GRK5: variants seen among roughly 807,000 people sequenced by gnomAD.
The protein encoded by GRK5 is G protein-coupled receptor kinase 5, also known as g protein-coupled receptor kinase GRK5.
Under a neutral mutation model 78.4 loss-of-function variants are expected in GRK5, and 40 were observed. The ratio of observed to expected loss-of-function variants is 0.51; its 90% confidence interval spans 0.40 to 0.66. The LOEUF (loss-of-function observed/expected upper bound fraction) is 0.66. GRK5 is among the 30% of genes least tolerant of loss of function. GRK5 has a pLI of 0.00. For missense variants in GRK5, 598 were observed against 759.9 expected (o/e 0.79, Z 2.50); for synonymous variants, 289 against 296.8 (o/e 0.97, Z 0.27).
chr10:119,243,260 A>G (rs762645565), intron 1 of GRK5, among the ~76,000 whole-genome samples: 1 of 152,164 alleles, frequency 6.6e-6, no homozygotes, highest in African/African-American at 2.4e-5. Context: ...ATACAGCAGG[A>G]TTGTGGCACC....
At chr10:119,356,708 G>A (rs969565312) in intron 2 of GRK5, among the ~76,000 whole-genome samples, 2 of 152,150 alleles carry the variant, frequency 1.3e-5, no homozygotes, top group Admixed American at 6.5e-5. Context: ...CAAGAATAGA[G>A]AAGATGAACA....
At chr10:119,256,990 C>T (rs1337360024) in intron 1 of GRK5, among the ~76,000 whole-genome samples, 6 of 152,206 alleles carry the variant, frequency 3.9e-5, no homozygotes, top group Admixed American at 3.9e-4. Flanking sequence ...CAATATGTGG[C>T]TTTTTGTATC....
chr10:119,382,744 C>G (rs952593904), intron 3 of GRK5, among the ~76,000 whole-genome samples: 1 of 152,148 alleles, frequency 6.6e-6, no homozygotes, highest in Admixed American at 6.5e-5. Context: ...TTTGTTTGAA[C>G]TGGTCTGGCT....
At chr10:119,215,497 A>G (rs1269046941) in intron 1 of GRK5, among the ~76,000 whole-genome samples, 1 of 92,036 alleles carries the variant, frequency 1.1e-5, no homozygotes, top group African/African-American at 4.2e-5. Context: ...AAAATAGGGA[A>G]GGGGGTGCGG....
chr10:119,425,932 C>G lies in GRK5; in HGVS notation c.533+847C>G, dbSNP rs528290724. ...CCGACGAGGCCCCGGCCCTGAGCCC[C>G]CAGCGCAGTGCTCTGCTACCTTCAC... is the stretch of plus-strand genomic sequence containing the variant. On this transcript the variant is annotated intron_variant, in intron 6 of 15. Coordinates refer to ENST00000392870, the MANE Select transcript of GRK5 (RefSeq NM_005308.3). Among the ~76,000 whole-genome samples the G allele has an allele frequency of 4.7e-4, 71 of 152,368 alleles. 1 individual carries two copies. The highest frequency in any genetic ancestry group is 1.6e-3 in the African/African-American group (66 of 41,592).
At position 119,253,344 on chromosome 10, in the gene GRK5, TCTC is replaced by T. The variant is rs2133756237; in HGVS notation, c.52+45378_52+45380del. On this transcript the variant is annotated intron_variant, in intron 1 of 15. Coordinates refer to ENST00000392870, the MANE Select transcript of GRK5 (RefSeq NM_005308.3). The surrounding 1 kb of genome is among the most constrained non-coding windows in gnomAD (Gnocchi z 5.7). Reference sequence around the variant, plus strand: ...GAATTACATCAGGTCACTGATGTCTTCTCCTAACTCAGTGATCTCCACAGCCCC... The same window carrying T: ...GAATTACATCAGGTCACTGATGTCTTCTAACTCAGTGATCTCCACAGCCCC... Among the ~76,000 whole-genome samples, 1 of 152,278 alleles carries T rather than the reference TCTC, an allele frequency of 6.6e-6. No homozygotes were observed. Among genetic ancestry groups the T allele is most frequent in the East Asian group, 1.9e-4 (1 of 5,174 alleles).
At chr10:119,299,680 T>C (rs1470231321) in intron 1 of GRK5, among the ~76,000 whole-genome samples, 3 of 152,102 alleles carry the variant, frequency 2.0e-5, no homozygotes, top group Non-Finnish European at 2.9e-5. Flanking sequence ...AAGAAGGAAG[T>C]GCAGAGAAGG....
Position 119,378,671 on chromosome 10 carries a change from TGCGCCTCC to T in GRK5, c.149-2142_149-2135del, listed in dbSNP as rs1851664602. The stretch of plus-strand genomic sequence containing the variant: ...CGCTCATCTCCGCTTGTGTGCGGGC[TGCGCCTCC>T]GTGGGCTCTCGCTGCGTGGGGGGAA... On this transcript the variant is annotated intron_variant, in intron 2 of 15. Transcript: ENST00000392870. The surrounding 1 kb of genome is among the most constrained non-coding windows in gnomAD (Gnocchi z 4.5). Among the ~76,000 whole-genome samples, 2 of 79,858 alleles carry T rather than the reference TGCGCCTCC, an allele frequency of 2.5e-5. No homozygotes were observed. Among genetic ancestry groups the T allele is most frequent in the South Asian group, 1.3e-3 (2 of 1,524 alleles). The allele number at this position is 79,858 out of a possible 152,430, so 52.4% of individuals were successfully genotyped here. A position where few individuals can be genotyped will look rare whatever the true frequency, so the allele number is the denominator to read the frequency against.
intron 1 of GRK5, among the ~76,000 whole-genome samples, chr10:119,302,725 G>C (rs925728072): frequency 6.6e-6 from 1 of 152,164 alleles, no homozygotes; most frequent in Non-Finnish European, 1.5e-5. Context: ...CTGTCCAGGT[G>C]TTTGATCAGA....
chr10:119,214,694 A>AT (rs1364712192), intron 1 of GRK5, among the ~76,000 whole-genome samples: 1 of 151,750 alleles, frequency 6.6e-6, no homozygotes, highest in Non-Finnish European at 1.5e-5. Flanking sequence ...TAATTTTTGT[A>AT]TTTTTTGTAG....
At chr10:119,387,237 C>G (rs561917492) in intron 3 of GRK5, among the ~76,000 whole-genome samples, 15 of 152,288 alleles carry the variant, frequency 9.8e-5, no homozygotes, top group African/African-American at 3.6e-4. Context: ...TTCCTGACCT[C>G]AAGTGATCCG....
intron 1 of GRK5, among the ~76,000 whole-genome samples, chr10:119,290,729 CG>C (rs1441743847): frequency 6.6e-6 from 1 of 151,946 alleles, no homozygotes; most frequent in Non-Finnish European, 1.5e-5. Context: ...ATCCCACCTC[CG>C]GGGAGCCTTC....
Position 119,315,514 on chromosome 10 carries a change from A to AC in GRK5, c.53-10999dup, listed in dbSNP as rs1281760249. On this transcript the variant is annotated intron_variant, in intron 1 of 15. Coordinates refer to ENST00000392870, the MANE Select transcript of GRK5 (RefSeq NM_005308.3). ...ACAGGAGGCAGTAGACACAGGGGTA[A>AC]CCCATTCTCATCAGAACAGCTGGCC... Among the ~76,000 whole-genome samples, 3 of 152,092 alleles carry AC rather than the reference A, an allele frequency of 2.0e-5. No individual in the cohort carries two copies. The East Asian group carries it at 5.8e-4, about 29-fold the overall frequency.
In GRK5 at chr10:119,445,269, C is replaced by T. The variant is rs957905870; in HGVS notation, c.1266+1517C>T. Reference sequence around the variant, plus strand: ...GAGATATCTGTCAGGTGCGACAAAACGAGACAAGGGAAAGAAGAAGGGGTC... The same window carrying T: ...GAGATATCTGTCAGGTGCGACAAAATGAGACAAGGGAAAGAAGAAGGGGTC... On this transcript the variant is annotated intron_variant, in intron 12 of 15. Transcript: ENST00000392870. The surrounding 1 kb of genome is among the most constrained non-coding windows in gnomAD (Gnocchi z 4.1). 5.3e-5 allele frequency among the ~76,000 whole-genome samples: 8 copies of T among 152,122 alleles called. No individual in the cohort carries two copies. The highest frequency in any genetic ancestry group is 1.9e-4 in the African/African-American group (8 of 41,412).
At chr10:119,319,084 C>T (rs1371389436) in intron 1 of GRK5, among the ~76,000 whole-genome samples, 1 of 152,222 alleles carries the variant, frequency 6.6e-6, no homozygotes, top group African/African-American at 2.4e-5. Context: ...GACATGCCCT[C>T]CTCCTGCGGG....
intron 1 of GRK5, among the ~76,000 whole-genome samples, chr10:119,322,097 GC>G (rs1564890440): frequency 3.3e-5 from 5 of 152,172 alleles, no homozygotes; most frequent in African/African-American, 2.4e-5. Flanking sequence ...CCTCCTGTGC[GC>G]CACCACGCCC....
chr10:119,241,138 T>G (rs1414458130), intron 1 of GRK5, among the ~76,000 whole-genome samples: 1 of 152,176 alleles, frequency 6.6e-6, no homozygotes. Flanking sequence ...TGGACTGACC[T>G]GTAGCAGATA....
chr10:119,445,832 G>C lies in GRK5; in HGVS notation c.1266+2080G>C, dbSNP rs1200758880. ...GGTGGCTCCAGCCCTGCCTGCCTAA[G>C]AGGGTCCCTCCACAATCAGTGAGGA... On this transcript the variant is annotated intron_variant, in intron 12 of 15. Coordinates refer to ENST00000392870, the MANE Select transcript of GRK5 (RefSeq NM_005308.3). This position sits in a 1 kb window ranked among gnomAD's most constrained non-coding sequence, Gnocchi z 4.1. Among the ~76,000 whole-genome samples the C allele has an allele frequency of 6.6e-6, 1 of 152,140 alleles. No individual in the cohort carries two copies. The highest frequency in any genetic ancestry group is 1.5e-5 in the Non-Finnish European group (1 of 68,022).
intron 13 of GRK5, among the ~76,000 whole-genome samples, chr10:119,451,626 G>T (rs1853289390): frequency 6.6e-6 from 1 of 152,222 alleles, no homozygotes; most frequent in South Asian, 2.1e-4. Flanking sequence ...AAGGGTCGCA[G>T]CTCTGCAACT....
Sources: gnomAD v4.1 joint callset for allele counts (sites outside exome capture counted in the v4.1 genomes callset) on GRCh38, gnomAD v4.1.1 for gene constraint, Gnocchi (gnomAD v3.1) non-coding constraint, MANE v1.5 for transcripts, NCBI Gene and HGNC (gene_info 2026-07-23, HGNC 2026-07-21) for gene names.